The following SRP72 variants were observed in gnomAD, a reference collection of about 807,000 sequenced individuals.
The protein encoded by SRP72 is signal recognition particle subunit SRP72.
A neutral mutation model predicts 96.3 loss-of-function variants in SRP72; 49 were observed. The observed-to-expected ratio is 0.51, with a 90% CI of 0.40 to 0.65. The LOEUF is 0.65. SRP72 is among the 30% of genes least tolerant of loss of function. The probability of loss-of-function intolerance (pLI) is 0.00; values close to 1 mark genes in which losing one functional copy is unlikely to be tolerated. For synonymous variants in SRP72, 267 were observed against 275.2 expected, an observed-to-expected ratio of 0.97 and a Z score of 0.30; for missense variants, 736 against 793.3, an observed-to-expected ratio of 0.93 and a Z score of 0.87.
At chr4:56,484,026 ATTTTTTTTTT>A (rs539665243) in intron 9 of SRP72, among the ~76,000 whole-genome samples, 1 of 86,618 alleles carries the variant, frequency 1.2e-5, no homozygotes. Context: ...AGAAGCAGTA[ATTTTTTTTTT>A]TTTTTTTTTT....
intron 8 of SRP72, among the ~76,000 whole-genome samples, chr4:56,478,917 C>T (rs1352363863): frequency 6.6e-6 from 1 of 152,132 alleles, no homozygotes; most frequent in Non-Finnish European, 1.5e-5. Context: ...GAGACTCTCT[C>T]TTTGTAAGAG....
intron 8 of SRP72, among the ~76,000 whole-genome samples, chr4:56,481,815 A>G (rs1265615440): frequency 1.5e-5 from 2 of 136,758 alleles, no homozygotes; most frequent in Non-Finnish European, 3.0e-5. Flanking sequence ...TCTCTTGCCC[A>G]GGCTGGAGTG....
In SRP72 at chr4:56,502,206, A is replaced by T. The variant is rs191238443; in HGVS notation, c.*345A>T. Reference sequence around the variant, plus strand: ...CAGGATTTAAACAGAAACTACTTCTATGATTTCAGCTGGAGTCTGAAGATA... The same window carrying T: ...CAGGATTTAAACAGAAACTACTTCTTTGATTTCAGCTGGAGTCTGAAGATA... On this transcript the variant is annotated 3_prime_UTR_variant, in exon 19 of 19. Transcript: ENST00000642900. The T allele has an allele frequency of 4.5e-6, 1 of 222,530 alleles. No individual in the cohort carries two copies. The highest frequency in any genetic ancestry group is 9.1e-6 in the Non-Finnish European group (1 of 110,376). 13.8% of individuals were successfully genotyped at this position (222,530 alleles called of 1,614,324 possible).
intron 3 of SRP72, 151 bp from the exon 4 acceptor site, chr4:56,473,903 A>T (rs1044244458): frequency 2.9e-6 from 2 of 687,898 alleles, no homozygotes; most frequent in Admixed American, 3.4e-5. Flanking sequence ...AGTACATGGA[A>T]CTATTTAAAA....
chr4:56,490,013 TATTAA>T (rs762209529), intron 13 of SRP72, among the ~76,000 whole-genome samples: 1 of 152,166 alleles, frequency 6.6e-6, no homozygotes, highest in African/African-American at 2.4e-5. Flanking sequence ...GAAAGTATTA[TATTAA>T]ATTAATGTTT....
intron 16 of SRP72, among the ~76,000 whole-genome samples, chr4:56,491,997 A>G (rs1720924404): frequency 6.6e-6 from 1 of 152,148 alleles, no homozygotes; most frequent in Admixed American, 6.5e-5. Flanking sequence ...AGCTGGGACT[A>G]CAGGCTAATT....
chr4:56,473,638 G>GTC (rs1720077032), intron 3 of SRP72, among the ~76,000 whole-genome samples: 1 of 151,300 alleles, frequency 6.6e-6, no homozygotes, highest in Non-Finnish European at 1.5e-5. Flanking sequence ...GGTGGCGCAC[G>GTC]TCTGTAATCT....
At chr4:56,469,169 A>G (rs1217909274) in intron 1 of SRP72, among the ~76,000 whole-genome samples, 1 of 152,180 alleles carries the variant, frequency 6.6e-6, no homozygotes, top group African/African-American at 2.4e-5. Context: ...TTTTCTAATC[A>G]TTTTGTAGCT....
chr4:56,480,292 C>T (rs1284382824), intron 8 of SRP72, among the ~76,000 whole-genome samples: 1 of 152,082 alleles, frequency 6.6e-6, no homozygotes, highest in African/African-American at 2.4e-5. Context: ...AAGATGGAGT[C>T]TCTGTTGCCC....
At chr4:56,469,359 T>A (rs1299579106) in intron 1 of SRP72, among the ~76,000 whole-genome samples, 1 of 152,216 alleles carries the variant, frequency 6.6e-6, no homozygotes, top group Non-Finnish European at 1.5e-5. Flanking sequence ...AGAAATTGCT[T>A]CTTTCTTCTT....
At chr4:56,490,905 C>G (rs1197653534) in intron 15 of SRP72, among the ~76,000 whole-genome samples, 1 of 152,176 alleles carries the variant, frequency 6.6e-6, no homozygotes, top group Non-Finnish European at 1.5e-5. Flanking sequence ...GGTTCAAGAT[C>G]AGCAGCAAGG....
At chr4:56,488,505 G>A (rs1268729386) in intron 12 of SRP72, among the ~76,000 whole-genome samples, 1 of 152,088 alleles carries the variant, frequency 6.6e-6, no homozygotes, top group Non-Finnish European at 1.5e-5. Context: ...CATTCTCATG[G>A]CCTCTGTGCA....
intron 11 of SRP72, among the ~76,000 whole-genome samples, chr4:56,486,693 G>C (rs1720722067): frequency 6.6e-6 from 1 of 152,168 alleles, no homozygotes; most frequent in Non-Finnish European, 1.5e-5. Flanking sequence ...AATTGCCTGA[G>C]TATGTCACAT....
At position 56,474,220 on chromosome 4, in the gene SRP72, C is replaced by T. The variant is rs1720110579; in HGVS notation, c.498+23C>T. On this transcript the variant is annotated intron_variant, in intron 4 of 18. Coordinates refer to ENST00000642900, the MANE Select transcript of SRP72 (RefSeq NM_006947.4). ...CCAGTGAGTATCCTTGTGGTGTACCCATACAGTCATGAATTATTATTCATA... is the reference window on the plus strand; with the variant it reads ...CCAGTGAGTATCCTTGTGGTGTACCTATACAGTCATGAATTATTATTCATA... The T allele has an allele frequency of 1.9e-6, 3 of 1,613,774 alleles. No individual in the cohort carries two copies. In the African/African-American group the frequency reaches 4.0e-5, roughly 22 times the overall value.
rs1225850399 is a variant in SRP72, at chr4:56,503,203, C to A, written c.*1342C>A. The A allele has an allele frequency of 6.6e-6, 1 of 152,138 alleles. No individual in the cohort carries two copies. Among genetic ancestry groups the A allele is most frequent in the Non-Finnish European group, 1.5e-5 (1 of 68,022 alleles). The allele number at this position is 152,138 out of a possible 1,614,324, so 9.4% of individuals were successfully genotyped here. A position where few individuals can be genotyped will look rare whatever the true frequency, so the allele number is the denominator to read the frequency against. ...TTAGTAAAAGCAGAATTTGCAGTGG[C>A]ATCTAAAGAGATCTTTTTTAAATAA... On this transcript the variant is annotated 3_prime_UTR_variant, in exon 19 of 19. Coordinates refer to ENST00000642900, the MANE Select transcript of SRP72 (RefSeq NM_006947.4).
chr4:56,472,065 A>G (rs1273716582), intron 3 of SRP72, among the ~76,000 whole-genome samples: 3 of 152,210 alleles, frequency 2.0e-5, no homozygotes, highest in Non-Finnish European at 4.4e-5. Context: ...GTAATCAGAA[A>G]ATCAAAGAAA....
At chr4:56,497,224 A>ATT (rs1301875613) in intron 17 of SRP72, among the ~76,000 whole-genome samples, 11 of 142,724 alleles carry the variant, frequency 7.7e-5, no homozygotes, top group East Asian at 2.0e-4. Flanking sequence ...TTATTTATTT[A>ATT]TTTTTTTTTT....
At chr4:56,492,551 C>G (rs1224554930) in intron 16 of SRP72, among the ~76,000 whole-genome samples, 1 of 151,920 alleles carries the variant, frequency 6.6e-6, no homozygotes, top group Non-Finnish European at 1.5e-5. Flanking sequence ...TTTTTGAATG[C>G]CTTTTGAAAT....
chr4:56,495,327 G>C (rs752158567), intron 16 of SRP72, 30 bp from the exon 17 acceptor site: 1 of 1,430,792 alleles, frequency 7.0e-7, no homozygotes, highest in South Asian at 1.2e-5. Flanking sequence ...TTATCACAAA[G>C]ATGGTAATGA....
Sources: gnomAD v4.1 joint callset for allele counts (sites outside exome capture counted in the v4.1 genomes callset) on GRCh38, gnomAD v4.1.1 for gene constraint, MANE v1.5 for transcripts, NCBI Gene and HGNC (gene_info 2026-07-23, HGNC 2026-07-21) for gene names.